GMDS: variants seen among roughly 807,000 people sequenced by gnomAD.
The protein encoded by GMDS is GDP-mannose 4,6 dehydratase.
Under a neutral mutation model 49.9 loss-of-function variants are expected in GMDS, and 20 were observed. That is an observed-to-expected ratio of 0.40 (90% confidence interval 0.28 to 0.58). The LOEUF is 0.58. Ranked by LOEUF, GMDS falls within the 20% of genes least tolerant of loss-of-function variation. The pLI is 0.42. For missense variants in GMDS, 362 were observed against 481.4 expected (o/e 0.75, Z 2.32); for synonymous variants, 177 against 178.6 (o/e 0.99, Z 0.07).
At chr6:1,875,999 C>T (rs573501155) in intron 7 of GMDS, among the ~76,000 whole-genome samples, 9 of 139,872 alleles carry the variant, frequency 6.4e-5, no homozygotes, top group African/African-American at 2.2e-4. Context: ...GCCTGGGCAA[C>T]GAGAGAGCAC....
chr6:1,860,930 C>T (rs1471732542), intron 7 of GMDS, among the ~76,000 whole-genome samples: 3 of 152,236 alleles, frequency 2.0e-5, no homozygotes, highest in Non-Finnish European at 2.9e-5. Context: ...CTTCTCTAGT[C>T]TTGCTCCACT....
At chr6:2,079,034 T>TC in intron 4 of GMDS, among the ~76,000 whole-genome samples, 1 of 147,484 alleles carries the variant, frequency 6.8e-6, no homozygotes, top group East Asian at 2.0e-4. Flanking sequence ...TTTTTTTTTT[T>TC]TTTTTTTTTT....
chr6:2,216,166 T>C (rs767544211), intron 1 of GMDS, among the ~76,000 whole-genome samples: 4 of 152,192 alleles, frequency 2.6e-5, no homozygotes, highest in Non-Finnish European at 5.9e-5. Flanking sequence ...TAGGACAGCA[T>C]ATAGACTTAA....
chr6:2,100,514 A>G (rs1773859770), intron 4 of GMDS, among the ~76,000 whole-genome samples: 1 of 152,086 alleles, frequency 6.6e-6, no homozygotes, highest in African/African-American at 2.4e-5. Flanking sequence ...AAGCTGTACT[A>G]GAAAGGTCTA....
chr6:2,016,150 T>C (rs1581520281), intron 4 of GMDS, among the ~76,000 whole-genome samples: 1 of 148,226 alleles, frequency 6.7e-6, no homozygotes, highest in Non-Finnish European at 1.5e-5. Context: ...TCCCAGCTAC[T>C]TGGGAGGCTG....
At chr6:1,708,436 C>T (rs894092256) in intron 9 of GMDS, among the ~76,000 whole-genome samples, 4 of 152,218 alleles carry the variant, frequency 2.6e-5, no homozygotes, top group South Asian at 2.1e-4. Flanking sequence ...GCAACAGCAA[C>T]GAGGACAAAC....
intron 7 of GMDS, among the ~76,000 whole-genome samples, chr6:1,788,152 C>T (rs1047427060): frequency 4.6e-5 from 7 of 152,138 alleles, no homozygotes; most frequent in Non-Finnish European, 7.3e-5. Flanking sequence ...AACCATGAGT[C>T]ACAAGTAAGG....
At chr6:1,935,819 G>C (rs924572593) in intron 6 of GMDS, among the ~76,000 whole-genome samples, 3 of 152,220 alleles carry the variant, frequency 2.0e-5, no homozygotes, top group African/African-American at 4.8e-5. Flanking sequence ...TTCACGCAAT[G>C]CAGTAGACAA....
chr6:2,153,493 A>G (rs1438660687), intron 1 of GMDS, among the ~76,000 whole-genome samples: 1 of 152,208 alleles, frequency 6.6e-6, no homozygotes, highest in Non-Finnish European at 1.5e-5. Flanking sequence ...TGAAAAGTAA[A>G]CATAACAACA....
intron 7 of GMDS, among the ~76,000 whole-genome samples, chr6:1,920,253 G>A (rs1761649356): frequency 6.6e-6 from 1 of 152,198 alleles, no homozygotes; most frequent in Admixed American, 6.5e-5. Context: ...CTGGAGCTTG[G>A]GCTTGGGCAT....
rs995559665 is a variant in GMDS, at chr6:1,635,866, A to C, written c.988-11326T>G. 1.3e-5 allele frequency among the ~76,000 whole-genome samples: 2 copies of C among 152,218 alleles called. No individual in the cohort carries two copies. Among genetic ancestry groups the C allele is most frequent in the Admixed American group, 6.5e-5 (1 of 15,286 alleles). ...AGCAGGGCCCAGCCTCGGCACCTCC[A>C]GCACTGCGTCTGGGAGCTGCTCTTC... On this transcript the variant is annotated intron_variant, in intron 9 of 10. Transcript: ENST00000380815. The surrounding 1 kb of genome is among the most constrained non-coding windows in gnomAD (Gnocchi z 4.7).
chr6:2,193,990 G>A lies in GMDS; in HGVS notation c.102+51331C>T, dbSNP rs537096957. On this transcript the variant is annotated intron_variant, in intron 1 of 10. Coordinates refer to ENST00000380815, the MANE Select transcript of GMDS (RefSeq NM_001500.4). Reference sequence around the variant, plus strand: ...CACCCGCTCGGCCTCCCAAAGTGCTGGATTACAGGCGTGAGCCACCGCGTC... The same window carrying A: ...CACCCGCTCGGCCTCCCAAAGTGCTAGATTACAGGCGTGAGCCACCGCGTC... Among the ~76,000 whole-genome samples, 215 of 151,732 alleles carry A rather than the reference G, an allele frequency of 1.4e-3. 3 individuals are homozygous for A. The highest frequency in any genetic ancestry group is 2.6e-3 in the Non-Finnish European group (176 of 67,940).
At chr6:1,968,999 C>A (rs1362217861) in intron 4 of GMDS, among the ~76,000 whole-genome samples, 11 of 151,982 alleles carry the variant, frequency 7.2e-5, no homozygotes, top group Non-Finnish European at 1.3e-4. Flanking sequence ...CGGTGGCTCA[C>A]ACCTGTAATC....
At chr6:2,001,783 T>A (rs947032621) in intron 4 of GMDS, among the ~76,000 whole-genome samples, 5 of 152,142 alleles carry the variant, frequency 3.3e-5, no homozygotes, top group African/African-American at 1.2e-4. Context: ...GACCATTCAG[T>A]GGGAAAGAGT....
At chr6:2,002,543 C>T (rs1561964482) in intron 4 of GMDS, among the ~76,000 whole-genome samples, 1 of 152,202 alleles carries the variant, frequency 6.6e-6, no homozygotes, top group Admixed American at 6.5e-5. Context: ...TTCAATGTCA[C>T]TATTTATTCC....
At chr6:2,202,254 A>G (rs1275032914) in intron 1 of GMDS, among the ~76,000 whole-genome samples, 2 of 149,382 alleles carry the variant, frequency 1.3e-5, no homozygotes, top group Admixed American at 1.3e-4. Flanking sequence ...AGAGCACCAC[A>G]TGGACATCCG....
chr6:1,797,788 C>T (rs568716042), intron 7 of GMDS, among the ~76,000 whole-genome samples: 1 of 152,282 alleles, frequency 6.6e-6, no homozygotes, highest in East Asian at 1.9e-4. Flanking sequence ...CACATAAATA[C>T]AAGGGAAGGT....
chr6:1,963,437 T>A (rs1273187316), intron 4 of GMDS, among the ~76,000 whole-genome samples: 1 of 152,228 alleles, frequency 6.6e-6, no homozygotes, highest in Non-Finnish European at 1.5e-5. Context: ...GTGCTTTCAA[T>A]GTTATATCTA....
At chr6:1,703,793 G>A (rs181642914) in intron 9 of GMDS, among the ~76,000 whole-genome samples, 278 of 152,352 alleles carry the variant, frequency 1.8e-3, no homozygotes, top group African/African-American at 6.3e-3. Flanking sequence ...ACCAGTGGCC[G>A]CAGGGCCAAG....
Sources: allele counts gnomAD v4.1 joint callset (sites outside exome capture counted in the v4.1 genomes callset), GRCh38; gene constraint gnomAD v4.1.1; non-coding constraint Gnocchi (gnomAD v3.1); transcripts MANE v1.5; gene names NCBI Gene and HGNC (gene_info 2026-07-23, HGNC 2026-07-21).